Variants in DLG2 observed in about 807,000 individuals in gnomAD.
DLG2 encodes disks large homolog 2.
In DLG2, 45 loss-of-function variants were observed where a neutral mutation model predicts 132.5. That is an observed-to-expected ratio of 0.34 (90% CI 0.27 to 0.44). The LOEUF is 0.44. Ranked by LOEUF, DLG2 falls within the 20% of genes least tolerant of loss-of-function variation. The pLI, the probability that DLG2 is intolerant of heterozygous loss-of-function variation, is 1.00. For missense variants in DLG2, 1,045 were observed against 1,196.9 expected, an observed-to-expected ratio of 0.87 and a Z score of 1.87; for synonymous variants, 424 against 419.6, an observed-to-expected ratio of 1.01 and a Z score of -0.13.
chr11:84,105,973 C>T (rs2092881224), intron 9 of DLG2, among the ~76,000 whole-genome samples: 1 of 152,024 alleles, frequency 6.6e-6, no homozygotes, highest in African/African-American at 2.4e-5. Flanking sequence ...ATATAACATA[C>T]CTCAGCCCCT....
At chr11:85,471,814 A>G (rs1424214044) in intron 3 of DLG2, among the ~76,000 whole-genome samples, 3 of 152,228 alleles carry the variant, frequency 2.0e-5, no homozygotes, top group African/African-American at 7.2e-5. Flanking sequence ...TTAATAATTG[A>G]TAAAAAGACA....
chr11:83,483,170 C>A (rs2093261357), intron 22 of DLG2: 1 of 1,099,230 alleles, frequency 9.1e-7, no homozygotes, highest in Admixed American at 1.7e-5. Flanking sequence ...GAGTGAAAGG[C>A]CCTCAGGAAA....
chr11:85,221,462 A>G (rs941240772), intron 4 of DLG2, among the ~76,000 whole-genome samples: 7 of 152,164 alleles, frequency 4.6e-5, no homozygotes, highest in African/African-American at 1.7e-4. Context: ...ATAGGAAGAC[A>G]CTCTCTGTTG....
intron 7 of DLG2, among the ~76,000 whole-genome samples, chr11:84,422,128 T>C (rs527422161): frequency 6.6e-6 from 1 of 152,234 alleles, no homozygotes; most frequent in Non-Finnish European, 1.5e-5. Context: ...GCAAATTATG[T>C]CTCTTTTATT....
At chr11:84,750,089 T>C (rs1433409033) in intron 6 of DLG2, among the ~76,000 whole-genome samples, 1 of 152,178 alleles carries the variant, frequency 6.6e-6, no homozygotes, top group African/African-American at 2.4e-5. Flanking sequence ...AACCACTCAC[T>C]TGTTCCAACA....
intron 8 of DLG2, chr11:84,166,683 G>A (rs556409751): frequency 1.1e-5 from 3 of 273,104 alleles, no homozygotes; most frequent in African/African-American, 6.6e-5. Flanking sequence ...TGCTTACTGA[G>A]TGATGAAACA....
At chr11:85,468,411 C>T (rs928366659) in intron 3 of DLG2, among the ~76,000 whole-genome samples, 1 of 152,088 alleles carries the variant, frequency 6.6e-6, no homozygotes, top group African/African-American at 2.4e-5. Flanking sequence ...GTTCGGGTGT[C>T]AATTTTAGAT....
At chr11:84,588,872 T>C (rs1450081180) in intron 6 of DLG2, among the ~76,000 whole-genome samples, 1 of 152,168 alleles carries the variant, frequency 6.6e-6, no homozygotes, top group African/African-American at 2.4e-5. Context: ...CTCTACTTTC[T>C]TAATAAACTT....
chr11:83,965,210 A>G, intron 13 of DLG2, 114 bp downstream of exon 13: 2 of 1,181,768 alleles, frequency 1.7e-6, no homozygotes, highest in Non-Finnish European at 2.4e-6. Flanking sequence ...CCTCTGAAGT[A>G]TTTCCAGAAG....
chr11:84,660,044 C>A (rs181341763), intron 6 of DLG2, among the ~76,000 whole-genome samples: 3 of 152,032 alleles, frequency 2.0e-5, no homozygotes, highest in Admixed American at 1.3e-4. Flanking sequence ...CTCACTTGAG[C>A]CTTAGTGCTC....
intron 4 of DLG2, among the ~76,000 whole-genome samples, chr11:85,253,406 C>A (rs1451315034): frequency 6.6e-6 from 1 of 152,160 alleles, no homozygotes; most frequent in Non-Finnish European, 1.5e-5. Flanking sequence ...CTGGAACTGG[C>A]TGGCCACTTT....
At chr11:84,850,817 T>C (rs947068344) in intron 6 of DLG2, among the ~76,000 whole-genome samples, 1 of 152,040 alleles carries the variant, frequency 6.6e-6, no homozygotes, top group African/African-American at 2.4e-5. Flanking sequence ...GAATAAAATA[T>C]TTAGGAATAA....
In DLG2 at chr11:85,008,173, CTTTTCA is replaced by C. The variant is rs554876404; in HGVS notation, c.357+103482_357+103487del. Among the ~76,000 whole-genome samples the C allele has an allele frequency of 2.8e-3, 433 of 152,176 alleles. 7 individuals carry two copies. The highest frequency in any genetic ancestry group is 0.014 in the East Asian group (74 of 5,180). The stretch of plus-strand genomic sequence containing the variant: ...GTTTTGATATCAAGAGTATATAAAA[CTTTTCA>C]TTTTATGAAAGTTTTAAATTTTAGG... On this transcript the variant is annotated intron_variant, in intron 6 of 27. Transcript: ENST00000376104.
intron 10 of DLG2, among the ~76,000 whole-genome samples, chr11:84,059,703 T>G (rs920323119): frequency 1.3e-5 from 2 of 152,164 alleles, no homozygotes; most frequent in Non-Finnish European, 2.9e-5. Context: ...ACCATACTAC[T>G]GGTCAGTTCC....
chr11:84,109,733 C>A (rs1175405807), intron 9 of DLG2, among the ~76,000 whole-genome samples: 1 of 152,100 alleles, frequency 6.6e-6, no homozygotes, highest in East Asian at 1.9e-4. Context: ...GTAGTCCCAT[C>A]AAATCTTCTA....
At chr11:84,072,725 T>C (rs188046147) in intron 10 of DLG2, among the ~76,000 whole-genome samples, 62 of 152,360 alleles carry the variant, frequency 4.1e-4, no homozygotes, top group Non-Finnish European at 7.5e-4. Context: ...GTACTGCTTA[T>C]AGCTAGAATA....
At chr11:85,005,527 T>C (rs2058574906) in intron 6 of DLG2, among the ~76,000 whole-genome samples, 1 of 148,900 alleles carries the variant, frequency 6.7e-6, no homozygotes, top group African/African-American at 2.6e-5. Context: ...GGCTCTCTGT[T>C]TGTCTATTAT....
chr11:83,890,937 C>T (rs2154085931), intron 15 of DLG2, among the ~76,000 whole-genome samples: 2 of 152,118 alleles, frequency 1.3e-5, no homozygotes, highest in Non-Finnish European at 2.9e-5. Context: ...GGTGACTGGT[C>T]AGCAGTGGTG....
chr11:84,027,006 T>G (rs1377952605), intron 11 of DLG2, among the ~76,000 whole-genome samples: 1 of 152,068 alleles, frequency 6.6e-6, no homozygotes, highest in African/African-American at 2.4e-5. Context: ...ATATTACTCT[T>G]CAAATCAAGT....
Sources: gnomAD v4.1 joint callset for allele counts (sites outside exome capture counted in the v4.1 genomes callset) on GRCh38, gnomAD v4.1.1 for gene constraint, MANE v1.5 for transcripts, NCBI Gene and HGNC (gene_info 2026-07-23, HGNC 2026-07-21) for gene names.